Variants in EOGT observed in about 807,000 individuals in gnomAD.
EOGT encodes the protein EGF domain specific O-linked N-acetylglucosamine transferase.
Under a neutral mutation model 70.5 loss-of-function variants are expected in EOGT, and 55 were observed. The ratio of observed to expected loss-of-function variants is 0.78; its 90% CI spans 0.63 to 0.98. EOGT has a LOEUF of 0.98. EOGT is among the 50% of genes least tolerant of loss of function. EOGT has a pLI of 0.00. For missense variants in EOGT, 703 were observed against 641.9 expected, an observed-to-expected ratio of 1.10 and a Z score of -1.03; for synonymous variants, 246 against 217.1, an observed-to-expected ratio of 1.13 and a Z score of -1.17.
chr3:69,001,501 T>C (rs2091291685), intron 9 of EOGT, 107 bp downstream of exon 9: 1 of 658,700 alleles, frequency 1.5e-6, no homozygotes, highest in Non-Finnish European at 2.5e-6. Flanking sequence ...ACAAATCTAC[T>C]GTTTGTCATA....
chr3:69,008,026 C>T (rs548966965), intron 5 of EOGT, among the ~76,000 whole-genome samples: 2 of 152,260 alleles, frequency 1.3e-5, no homozygotes, highest in East Asian at 3.9e-4. Flanking sequence ...TCATAAAATA[C>T]ATAACAGACA....
In EOGT at chr3:68,977,197, C is replaced by G. The variant is rs1029848235; in HGVS notation, c.*421G>C. On this transcript the variant is annotated 3_prime_UTR_variant, in exon 18 of 18. Coordinates refer to ENST00000383701, the MANE Select transcript of EOGT (RefSeq NM_001278689.2). The stretch of plus-strand genomic sequence containing the variant: ...AAAAATTTAGCCAGGTGTGGTGGTG[C>G]AGGCTGCAATCCCAGCTAGTCAGGT... 1.9e-4 allele frequency: 31 copies of G among 165,488 alleles called. No homozygotes were observed. Among genetic ancestry groups the G allele is most frequent in the Non-Finnish European group, 3.2e-4 (25 of 78,246 alleles). The allele number at this position is 165,488 out of a possible 1,614,324, so 10.3% of individuals were successfully genotyped here.
intron 3 of EOGT, among the ~76,000 whole-genome samples, 162 bp downstream of exon 3, chr3:69,011,774 G>A (rs1041835906): frequency 2.6e-4 from 39 of 151,810 alleles, no homozygotes; most frequent in African/African-American, 9.4e-4. Context: ...TCACTTTGGC[G>A]GCCCTCAAGA....
chr3:68,999,718 G>A (rs539356238), intron 9 of EOGT, among the ~76,000 whole-genome samples: 1 of 152,214 alleles, frequency 6.6e-6, no homozygotes, highest in Admixed American at 6.5e-5. Context: ...CTTTTCCCAG[G>A]TTAGCCATAG....
rs560326491 is a variant in EOGT at position 69,013,310 on chromosome 3, G to A, written c.-356+264C>T. 2.6e-4 allele frequency among the ~76,000 whole-genome samples: 40 copies of A among 151,908 alleles called. 1 individual carries two copies. In the South Asian group the frequency reaches 6.2e-3, roughly 24 times the overall value. On this transcript the variant is annotated intron_variant, in intron 1 of 17. Transcript: ENST00000383701. ...CGCCCCGGCTGGAAACCTGGTCAAC[G>A]CGGCTAGGGCCCGGGGCCCGCCTGC...
Position 69,004,408 on chromosome 3 carries a change from T to C in EOGT, c.590A>G (p.Glu197Gly). Residue 197 changes from glutamate (E) to glycine (G), a missense_variant, in exon 8 of 18, where the codon GAA (glutamate) becomes GGA (glycine). Transcript: ENST00000383701. ...CKLDIRTLTSEGQRKSPLQSW... is the reference protein window; with the variant it reads ...CKLDIRTLTSGGQRKSPLQSW... ...CTGCAGAGGGCTTTTGCGCTGACCT[T>C]CAGACGTCAATGTACGGATGTCAAG... The C allele has an allele frequency of 2.5e-6, 4 of 1,614,090 alleles. No individual in the cohort carries two copies. The highest frequency in any genetic ancestry group is 3.4e-6 in the Non-Finnish European group (4 of 1,179,938).
chr3:68,994,715 T>C (rs991678378), intron 10 of EOGT, among the ~76,000 whole-genome samples: 1 of 152,080 alleles, frequency 6.6e-6, no homozygotes, highest in Non-Finnish European at 1.5e-5. Context: ...CGCTTGAACC[T>C]GGGAAGCGGA....
chr3:69,009,606 T>C, intron 4 of EOGT, 31 bp downstream of exon 4: 2 of 1,568,486 alleles, frequency 1.3e-6, no homozygotes, highest in Non-Finnish European at 8.8e-7. Flanking sequence ...TGCATCCTCA[T>C]AAAAATAAGG....
At chr3:69,004,170 A>G (rs2091376194) in intron 8 of EOGT, among the ~76,000 whole-genome samples, 2 of 152,346 alleles carry the variant, frequency 1.3e-5, no homozygotes, top group Non-Finnish European at 2.9e-5. Flanking sequence ...TCATTAGCAA[A>G]CAGTAAGTAC....
chr3:68,987,595 C>CATCTCTTTGTG, intron 13 of EOGT, 82 bp from the exon 14 acceptor site: 1 of 1,047,056 alleles, frequency 9.6e-7, no homozygotes, highest in Non-Finnish European at 1.5e-6. Context: ...ATGTGATTTT[C>CATCTCTTTGTG]ACAAAGAGAT....
At chr3:69,000,259 A>T (rs1298800021) in intron 9 of EOGT, among the ~76,000 whole-genome samples, 5 of 152,156 alleles carry the variant, frequency 3.3e-5, no homozygotes, top group Non-Finnish European at 7.4e-5. Flanking sequence ...AGACAGCATA[A>T]ATTAGAAGAA....
chr3:68,989,918 C>A (rs1302438326), intron 10 of EOGT, among the ~76,000 whole-genome samples: 2 of 151,782 alleles, frequency 1.3e-5, no homozygotes, highest in East Asian at 1.9e-4. Context: ...CCAGCCTGGG[C>A]AACAGAGCAA....
intron 15 of EOGT, among the ~76,000 whole-genome samples, chr3:68,981,398 T>C (rs1335321108): frequency 6.6e-6 from 1 of 152,224 alleles, no homozygotes; most frequent in Non-Finnish European, 1.5e-5. Flanking sequence ...TCTCTGAAAT[T>C]AAGTGTATCT....
intron 14 of EOGT, among the ~76,000 whole-genome samples, chr3:68,985,159 C>T (rs2090768794): frequency 6.6e-6 from 1 of 152,134 alleles, no homozygotes; most frequent in African/African-American, 2.4e-5. Context: ...TGGTCTATAC[C>T]AATATATACT....
Position 68,976,654 on chromosome 3 carries a change from G to GTGTGTGTGTA in EOGT, c.*963_*964insTACACACACA, listed in dbSNP as rs1053700915. 2.6e-5 allele frequency: 4 copies of GTGTGTGTGTA among 152,338 alleles called. No homozygotes were observed. The highest frequency in any genetic ancestry group is 5.9e-5 in the Non-Finnish European group (4 of 68,218). The allele number at this position is 152,338 out of a possible 1,614,324, so 9.4% of individuals were successfully genotyped here. On this transcript the variant is annotated 3_prime_UTR_variant, in exon 18 of 18. Transcript: ENST00000383701. ...ATCACAACTCTGCGTGTGTGTGTGT[G>GTGTGTGTGTA]TGTGTGTGTGTGTGTGTATGTTTTG...
At chr3:68,998,163 A>G in intron 9 of EOGT, 49 bp from the exon 10 acceptor site, 1 of 1,023,366 alleles carries the variant, frequency 9.8e-7, no homozygotes. Context: ...AGAGCACATG[A>G]TCAAGCAAGT....
intron 10 of EOGT, among the ~76,000 whole-genome samples, chr3:68,996,471 T>C (rs1236442517): frequency 6.6e-6 from 1 of 152,242 alleles, no homozygotes; most frequent in Non-Finnish European, 1.5e-5. Flanking sequence ...ATGGGTAAAC[T>C]GCATCTGGAC....
chr3:68,999,118 A>G (rs576114282), intron 9 of EOGT, among the ~76,000 whole-genome samples: 1 of 152,332 alleles, frequency 6.6e-6, no homozygotes, highest in Non-Finnish European at 1.5e-5. Context: ...ATGAGTTTAT[A>G]AAGTCCCTAA....
intron 10 of EOGT, among the ~76,000 whole-genome samples, chr3:68,997,582 T>C (rs1050545796): frequency 2.6e-5 from 4 of 152,174 alleles, no homozygotes; most frequent in African/African-American, 9.7e-5. Flanking sequence ...TTGGCCAGGC[T>C]AGTCTCGAAC....
Sources: allele counts gnomAD v4.1 joint callset (sites outside exome capture counted in the v4.1 genomes callset), GRCh38; gene constraint gnomAD v4.1.1; transcripts MANE v1.5; gene names NCBI Gene and HGNC (gene_info 2026-07-23, HGNC 2026-07-21).